CSNK2A2IP: variants seen among roughly 807,000 people sequenced by gnomAD.
CSNK2A2IP encodes the protein casein kinase 2 subunit alpha' interacting protein.
At chr3:88,434,000 T>C in the CSNK2A2IP span, among the ~76,000 whole-genome samples, 7 of 152,320 alleles carry the variant, frequency 4.6e-5, no homozygotes, top group East Asian at 1.4e-3. Context: ...GTGTTATTTT[T>C]GAGTCATTTT....
chr3:88,462,712 A>T, the CSNK2A2IP span, among the ~76,000 whole-genome samples: 5 of 152,036 alleles, frequency 3.3e-5, no homozygotes, highest in South Asian at 1.0e-3. Context: ...AATTAAATGA[A>T]GAAGTGCTTG....
At chr3:88,398,294 T>C in the CSNK2A2IP span, among the ~76,000 whole-genome samples, 74 of 152,210 alleles carry the variant, frequency 4.9e-4, no homozygotes, top group Non-Finnish European at 6.6e-4. Context: ...CAAGACTCAT[T>C]ATATGACTTA....
chr3:88,388,303 A>T, the CSNK2A2IP span, among the ~76,000 whole-genome samples: 2 of 152,314 alleles, frequency 1.3e-5, no homozygotes, highest in South Asian at 2.1e-4. Context: ...TAACTCTTCT[A>T]GTCATTTTTG....
At chr3:88,443,933 G>C in the CSNK2A2IP span, among the ~76,000 whole-genome samples, 11 of 151,538 alleles carry the variant, frequency 7.3e-5, no homozygotes. Context: ...CCTGATTTGA[G>C]ATATTTGTGA....
the CSNK2A2IP span, among the ~76,000 whole-genome samples, chr3:88,442,395 T>G: frequency 6.6e-6 from 1 of 151,948 alleles, no homozygotes; most frequent in Non-Finnish European, 1.5e-5. Context: ...TCCTCACAAT[T>G]ACATAACTAA....
chr3:88,377,607 A>G, the CSNK2A2IP span, among the ~76,000 whole-genome samples: 1 of 151,830 alleles, frequency 6.6e-6, no homozygotes, highest in Non-Finnish European at 1.5e-5. Flanking sequence ...TAGTAATAAT[A>G]GTGAAAAATT....
At chr3:88,420,472 T>G in the CSNK2A2IP span, among the ~76,000 whole-genome samples, 1 of 152,160 alleles carries the variant, frequency 6.6e-6, no homozygotes, top group Non-Finnish European at 1.5e-5. Flanking sequence ...GAGAAAGACT[T>G]TTTAAATGAG....
At chr3:88,458,141 G>GTT in the CSNK2A2IP span, among the ~76,000 whole-genome samples, 734 of 83,294 alleles carry the variant, frequency 8.8e-3, 128 homozygotes, top group African/African-American at 0.02. Context: ...TGTAATTGTG[G>GTT]TTTTTTTTTT....
chr3:88,466,570 G>C, the CSNK2A2IP span: 2 of 1,231,684 alleles, frequency 1.6e-6, no homozygotes, highest in Non-Finnish European at 2.0e-6. Context: ...TCCAAAGACA[G>C]AATCAAATAA....
the CSNK2A2IP span, among the ~76,000 whole-genome samples, chr3:88,412,390 C>T: frequency 6.6e-6 from 1 of 151,976 alleles, no homozygotes; most frequent in Non-Finnish European, 1.5e-5. Flanking sequence ...ACCTTTATTT[C>T]TTCCCTGGAC....
the CSNK2A2IP span, among the ~76,000 whole-genome samples, chr3:88,463,743 G>A: frequency 2.6e-5 from 4 of 152,168 alleles, no homozygotes; most frequent in African/African-American, 9.7e-5. Context: ...AGTTGGCGTG[G>A]TGATTCCTCA....
the CSNK2A2IP span, among the ~76,000 whole-genome samples, chr3:88,396,117 T>C: frequency 6.7e-6 from 1 of 149,866 alleles, no homozygotes; most frequent in African/African-American, 2.4e-5. Context: ...TTTTTTTTTT[T>C]TTTTTTTGAG....
chr3:88,384,151 A>ATC, the CSNK2A2IP span, among the ~76,000 whole-genome samples: 1 of 152,170 alleles, frequency 6.6e-6, no homozygotes, highest in Non-Finnish European at 1.5e-5. Context: ...AATAAGATAG[A>ATC]TAAGTCCCTG....
the CSNK2A2IP span, among the ~76,000 whole-genome samples, chr3:88,402,369 C>T: frequency 1.3e-4 from 20 of 152,130 alleles, no homozygotes; most frequent in South Asian, 4.1e-3. Flanking sequence ...GCAATATCTA[C>T]TTAAATTGAC....
chr3:88,433,497 G>A, the CSNK2A2IP span, among the ~76,000 whole-genome samples: 201 of 152,096 alleles, frequency 1.3e-3, no homozygotes, highest in Non-Finnish European at 2.2e-3. Context: ...TAATTTTGAG[G>A]TGTTTAGTTT....
the CSNK2A2IP span, among the ~76,000 whole-genome samples, chr3:88,417,273 C>T: frequency 1.3e-5 from 2 of 151,974 alleles, no homozygotes; most frequent in African/African-American, 2.4e-5. Context: ...TTTTTACTGC[C>T]TCTGTGCCTT....
the CSNK2A2IP span, among the ~76,000 whole-genome samples, chr3:88,403,588 C>CA: frequency 6.6e-6 from 1 of 152,048 alleles, no homozygotes; most frequent in Non-Finnish European, 1.5e-5. Context: ...ATTTAGAAAG[C>CA]AATAATAACA....
the CSNK2A2IP span, among the ~76,000 whole-genome samples, chr3:88,346,248 C>T: frequency 1.2e-4 from 18 of 152,146 alleles, no homozygotes; most frequent in Admixed American, 2.6e-4. Context: ...CATGAAAGTG[C>T]AAGGCTAAGC....
chr3:88,409,258 C>T, the CSNK2A2IP span, among the ~76,000 whole-genome samples: 28 of 152,000 alleles, frequency 1.8e-4, no homozygotes, highest in East Asian at 1.2e-3. Context: ...TTTCTATTTC[C>T]GTTTTTGCTT....
Sources: gnomAD v4.1 joint callset for allele counts (sites outside exome capture counted in the v4.1 genomes callset) on GRCh38, gnomAD v4.1.1 for gene constraint, MANE v1.5 for transcripts, NCBI Gene and HGNC (gene_info 2026-07-23, HGNC 2026-07-21) for gene names.